The following RLF variants were observed in gnomAD, a reference collection of about 807,000 sequenced individuals.
RLF encodes the protein zinc finger protein Rlf.
A neutral mutation model predicts 162.9 loss-of-function variants in RLF; 7 were observed. That is an observed-to-expected ratio of 0.04 (90% CI 0.02 to 0.08). RLF has a LOEUF of 0.08. Among genes scored for constraint, RLF ranks in the 10% least tolerant of loss-of-function variants. RLF has a pLI of 1.00. For missense variants in RLF, 1,664 were observed against 2,244.7 expected (o/e 0.74, Z 5.23); for synonymous variants, 782 against 791.5 (o/e 0.99, Z 0.20).
rs761816149 is a variant in RLF, at chr1:40,235,055, ATT to A, written c.1090-715_1090-714del. Among the ~76,000 whole-genome samples, 413 of 105,432 alleles carry A rather than the reference ATT, an allele frequency of 3.9e-3. 5 individuals carry two copies. Among genetic ancestry groups the A allele is most frequent in the East Asian group, 0.032 (112 of 3,464 alleles). The allele number at this position is 105,432 out of a possible 152,430, so 69.2% of individuals were successfully genotyped here. A position where few individuals can be genotyped will look rare whatever the true frequency, so the allele number is the denominator to read the frequency against. On this transcript the variant is annotated intron_variant, in intron 7 of 7. Transcript: ENST00000372771. ...AATCCAAGTGTTCATGATAGAGAGA[ATT>A]TTTTTTTTTTTTTTTTTTTTTGAGA...
At position 40,236,571 on chromosome 1, in the gene RLF, C is replaced by T. The variant is rs756866890; in HGVS notation, c.1869C>T (p.Gly623=). Residue 623 remains glycine, a synonymous_variant, in exon 8 of 8, where the codon GGC becomes GGT. Transcript: ENST00000372771. This position sits in a 1 kb window ranked among gnomAD's most constrained non-coding sequence, Gnocchi z 7.7. ...CTAAAAAGAAATTACTGTTAAAAGG[C>T]TCTCAAAAGGGTATTTGTCCTAAGA... ...DRSKKKLLLK[G]SQKGICPKSP... The T allele has an allele frequency of 1.4e-5, 23 of 1,614,082 alleles. No homozygotes were observed. The Admixed American group carries it at 3.3e-4, about 23-fold the overall frequency.
intron 4 of RLF, among the ~76,000 whole-genome samples, chr1:40,199,323 G>C (rs1284103331): frequency 2.0e-5 from 3 of 152,216 alleles, no homozygotes; most frequent in African/African-American, 7.2e-5. Context: ...ACAAATTGCT[G>C]ACAGTGTAAT....
chr1:40,204,325 C>G (rs1371317026), intron 5 of RLF, among the ~76,000 whole-genome samples: 1 of 151,518 alleles, frequency 6.6e-6, no homozygotes, highest in Admixed American at 6.6e-5. Flanking sequence ...ACTGGTCTCT[C>G]TCTTAATTGT....
At chr1:40,165,821 T>C (rs756899165) in intron 1 of RLF, among the ~76,000 whole-genome samples, 2 of 152,188 alleles carry the variant, frequency 1.3e-5, no homozygotes, top group Non-Finnish European at 2.9e-5. Context: ...TTCAAACTTA[T>C]TAGCTTGGTA....
At chr1:40,198,156 A>C (rs1306842007) in intron 4 of RLF, among the ~76,000 whole-genome samples, 1 of 151,784 alleles carries the variant, frequency 6.6e-6, no homozygotes, top group Non-Finnish European at 1.5e-5. Context: ...GGCATGCGCC[A>C]CCATGCCCGG....
intron 5 of RLF, among the ~76,000 whole-genome samples, chr1:40,219,508 A>G (rs538772043): frequency 4.6e-5 from 7 of 152,236 alleles, no homozygotes; most frequent in Non-Finnish European, 1.0e-4. Context: ...ACAGTGGAAA[A>G]TAAGTCTAGA....
chr1:40,161,650 T>A lies in RLF; in HGVS notation c.237+14T>A. The A allele has an allele frequency of 6.2e-7, 1 of 1,606,514 alleles. No individual in the cohort carries two copies. Among genetic ancestry groups the A allele is most frequent in the Non-Finnish European group, 8.5e-7 (1 of 1,177,662 alleles). Reference sequence around the variant, plus strand: ...AGCTTCTGCCAGGTGAGGGGCTGACTGGCTGGCTGAGGGCGGCGGGGCGGG... The same window carrying A: ...AGCTTCTGCCAGGTGAGGGGCTGACAGGCTGGCTGAGGGCGGCGGGGCGGG... On this transcript the variant is annotated intron_variant, in intron 1 of 7. Transcript: ENST00000372771. This position sits in a 1 kb window ranked among gnomAD's most constrained non-coding sequence, Gnocchi z 4.4.
intron 1 of RLF, among the ~76,000 whole-genome samples, chr1:40,186,191 A>T (rs953782377): frequency 6.6e-6 from 1 of 151,292 alleles, no homozygotes; most frequent in East Asian, 2.0e-4. Context: ...ATGCCTGGCT[A>T]GCCACAGTGG....
intron 4 of RLF, among the ~76,000 whole-genome samples, chr1:40,201,087 G>A (rs1295187158): frequency 1.8e-4 from 1 of 5,632 alleles, no homozygotes; most frequent in Non-Finnish European, 3.8e-4. Flanking sequence ...CCCCCCCCCC[G>A]CAACCTGGGA....
chr1:40,191,432 G>T (rs1642555563), intron 3 of RLF, among the ~76,000 whole-genome samples: 1 of 152,030 alleles, frequency 6.6e-6, no homozygotes, highest in Non-Finnish European at 1.5e-5. Context: ...CAGTTACTTG[G>T]GAGGCTCAGG....
At chr1:40,213,030 T>C (rs1364193013) in intron 5 of RLF, among the ~76,000 whole-genome samples, 2 of 152,212 alleles carry the variant, frequency 1.3e-5, no homozygotes, top group Non-Finnish European at 2.9e-5. Flanking sequence ...GTTAGACCAT[T>C]GGTGTTTAAT....
At chr1:40,214,875 A>G (rs1420036550) in intron 5 of RLF, among the ~76,000 whole-genome samples, 1 of 136,390 alleles carries the variant, frequency 7.3e-6, no homozygotes, top group Non-Finnish European at 1.5e-5. Flanking sequence ...GTGAACTATG[A>G]TCATGCCACT....
chr1:40,217,635 G>A (rs1295480855), intron 5 of RLF, among the ~76,000 whole-genome samples: 2 of 152,010 alleles, frequency 1.3e-5, no homozygotes, highest in South Asian at 2.1e-4. Flanking sequence ...AGCTGGGCGC[G>A]GGAGCGTACG....
chr1:40,232,573 G>T (rs1366612326), intron 7 of RLF, among the ~76,000 whole-genome samples: 1 of 152,188 alleles, frequency 6.6e-6, no homozygotes, highest in Non-Finnish European at 1.5e-5. Flanking sequence ...TAAGGTTTCT[G>T]TTTTCTGGCT....
At chr1:40,212,103 C>T (rs1642872654) in intron 5 of RLF, among the ~76,000 whole-genome samples, 2 of 152,152 alleles carry the variant, frequency 1.3e-5, no homozygotes, top group Admixed American at 6.6e-5. Flanking sequence ...TTGCCATCTA[C>T]TTCACCTGAG....
intron 3 of RLF, 40 bp from the exon 4 acceptor site, chr1:40,195,592 A>G (rs549200047): frequency 1.3e-6 from 2 of 1,557,456 alleles, no homozygotes; most frequent in Admixed American, 1.9e-5. Context: ...TAATTTTTAT[A>G]TTGTTAACTT....
At chr1:40,189,694 G>A (rs879578281) in intron 2 of RLF, among the ~76,000 whole-genome samples, 4 of 152,062 alleles carry the variant, frequency 2.6e-5, no homozygotes, top group Admixed American at 6.6e-5. Flanking sequence ...AGCACTTTGG[G>A]AAGAGGCTGA....
chr1:40,210,200 G>A lies in RLF; in HGVS notation c.810+7586G>A, dbSNP rs35619683. ...GTTTCTAATGTTGTATTAGGCATTG[G>A]CAAATACAGCAAACTGTATGGCCCA... On this transcript the variant is annotated intron_variant, in intron 5 of 7. Transcript: ENST00000372771. Among the ~76,000 whole-genome samples the A allele has an allele frequency of 5.4e-3, 817 of 152,238 alleles. 8 individuals carry two copies. The highest frequency in any genetic ancestry group is 0.01 in the Middle Eastern group (3 of 294).
At chr1:40,200,867 TAC>T (rs71060356) in intron 4 of RLF, among the ~76,000 whole-genome samples, 715 of 34,756 alleles carry the variant, frequency 0.021, 4 homozygotes, top group Admixed American at 0.037. Context: ...ATTGCTACTC[TAC>T]ACACACACAC....
Sources: allele counts gnomAD v4.1 joint callset (sites outside exome capture counted in the v4.1 genomes callset), GRCh38; gene constraint gnomAD v4.1.1; non-coding constraint Gnocchi (gnomAD v3.1); transcripts MANE v1.5; gene names NCBI Gene and HGNC (gene_info 2026-07-23, HGNC 2026-07-21).